Variants in ROBO2 observed in about 807,000 individuals in gnomAD.
ROBO2 encodes the protein roundabout guidance receptor 2.
In ROBO2, 53 loss-of-function variants were observed where a neutral mutation model predicts 160.8. The ratio of observed to expected loss-of-function variants is 0.33; its 90% CI spans 0.26 to 0.41. The LOEUF is 0.41. Ranked by LOEUF, ROBO2 falls within the 10% of genes least tolerant of loss-of-function variation. ROBO2 has a pLI of 1.00. For synonymous variants in ROBO2, 664 were observed against 611.7 expected, an observed-to-expected ratio of 1.09 and a Z score of -1.26; for missense variants, 1,577 against 1,722.4, an observed-to-expected ratio of 0.92 and a Z score of 1.49.
intron 24 of ROBO2, among the ~76,000 whole-genome samples, chr3:77,637,998 T>G (rs942963232): frequency 2.0e-5 from 3 of 152,212 alleles, no homozygotes; most frequent in Non-Finnish European, 4.4e-5. Context: ...ATGATACATT[T>G]TAGAAGTAGT....
Position 76,154,514 on chromosome 3 carries a change from A to G in ROBO2, c.109+216912A>G, listed in dbSNP as rs536648386. Among the ~76,000 whole-genome samples the G allele has an allele frequency of 3.3e-5, 5 of 152,242 alleles. No individual in the cohort carries two copies. The East Asian group carries it at 9.7e-4, about 29-fold the overall frequency. ...ATAAAATAAACAGAGATTTGAGAGA[A>G]GATTCTCATTGCCAATGACAAGATA... On this transcript the variant is annotated intron_variant, in intron 2 of 26. Coordinates refer to the ROBO2 transcript ENST00000487694.
intron 2 of ROBO2, among the ~76,000 whole-genome samples, chr3:76,314,354 C>G (rs961971937): frequency 6.6e-6 from 1 of 152,050 alleles, no homozygotes; most frequent in Non-Finnish European, 1.5e-5. Flanking sequence ...GTAAACAGCT[C>G]CATTCACATG....
chr3:76,120,169 T>C (rs1198009336), intron 2 of ROBO2, among the ~76,000 whole-genome samples: 1 of 151,886 alleles, frequency 6.6e-6, no homozygotes, highest in East Asian at 1.9e-4. Context: ...GACTGGATAA[T>C]TTTTGTATTT....
At chr3:76,321,770 A>G (rs2072546251) in intron 2 of ROBO2, among the ~76,000 whole-genome samples, 1 of 152,134 alleles carries the variant, frequency 6.6e-6, no homozygotes, top group African/African-American at 2.4e-5. Flanking sequence ...TATAGAACTG[A>G]AAATAAAAGG....
chr3:77,275,944 C>T (rs970231817), intron 2 of ROBO2, among the ~76,000 whole-genome samples: 1 of 152,182 alleles, frequency 6.6e-6, no homozygotes, highest in African/African-American at 2.4e-5. Context: ...AACTGGAACC[C>T]GCTTTTTCTC....
chr3:76,466,514 A>T (rs1242264463), intron 2 of ROBO2, among the ~76,000 whole-genome samples: 1 of 152,036 alleles, frequency 6.6e-6, no homozygotes, highest in Non-Finnish European at 1.5e-5. Flanking sequence ...AATGTTTTAA[A>T]GAGGAGAAAT....
At chr3:77,160,384 G>C (rs1285100888) in intron 2 of ROBO2, among the ~76,000 whole-genome samples, 2 of 151,946 alleles carry the variant, frequency 1.3e-5, no homozygotes, top group Non-Finnish European at 2.9e-5. Flanking sequence ...TCTTACACAT[G>C]GTGATGATGT....
intron 2 of ROBO2, among the ~76,000 whole-genome samples, chr3:76,276,819 T>A (rs1350720407): frequency 1.3e-5 from 2 of 152,038 alleles, no homozygotes; most frequent in African/African-American, 2.4e-5. Context: ...TTTACATTAG[T>A]ACTGTCCAAC....
chr3:76,331,512 C>T (rs1388948636), intron 2 of ROBO2, among the ~76,000 whole-genome samples: 1 of 151,912 alleles, frequency 6.6e-6, no homozygotes, highest in Admixed American at 6.6e-5. Context: ...GCTCTTATTT[C>T]CTTTATGCCT....
chr3:76,737,877 T>A (rs2093739342), intron 2 of ROBO2, among the ~76,000 whole-genome samples: 1 of 152,140 alleles, frequency 6.6e-6, no homozygotes, highest in Non-Finnish European at 1.5e-5. Context: ...CTGGGAACGG[T>A]GGCTCACACC....
chr3:76,884,270 T>C (rs866380868), intron 2 of ROBO2, among the ~76,000 whole-genome samples: 4 of 152,330 alleles, frequency 2.6e-5, no homozygotes, highest in Non-Finnish European at 5.9e-5. Context: ...TTGAGAAGAC[T>C]ATATAAATTG....
intron 2 of ROBO2, among the ~76,000 whole-genome samples, chr3:76,315,452 T>C (rs2071935924): frequency 6.6e-6 from 1 of 152,214 alleles, no homozygotes; most frequent in Non-Finnish European, 1.5e-5. Flanking sequence ...CATACTACGG[T>C]ATTGCAACAT....
chr3:77,127,284 A>C (rs2075429566), intron 2 of ROBO2, among the ~76,000 whole-genome samples: 1 of 151,934 alleles, frequency 6.6e-6, no homozygotes, highest in Non-Finnish European at 1.5e-5. Flanking sequence ...TATTCTGATC[A>C]CTTCTCATTT....
intron 2 of ROBO2, among the ~76,000 whole-genome samples, chr3:76,616,490 T>A (rs947564874): frequency 6.6e-6 from 1 of 152,184 alleles, no homozygotes; most frequent in African/African-American, 2.4e-5. Context: ...TGATGTGTTA[T>A]TAGCATTTTT....
chr3:77,033,536 G>C (rs982164686), intron 2 of ROBO2, among the ~76,000 whole-genome samples: 1 of 152,038 alleles, frequency 6.6e-6, no homozygotes, highest in East Asian at 1.9e-4. Flanking sequence ...AATAGGTTAA[G>C]TTACAACCTG....
At chr3:76,554,340 T>A (rs1461132662) in intron 2 of ROBO2, among the ~76,000 whole-genome samples, 1 of 152,178 alleles carries the variant, frequency 6.6e-6, no homozygotes, top group Non-Finnish European at 1.5e-5. Context: ...GGAGTAGATA[T>A]GAGGACATGA....
intron 2 of ROBO2, among the ~76,000 whole-genome samples, chr3:76,879,539 T>C (rs963767502): frequency 2.6e-5 from 4 of 152,030 alleles, no homozygotes; most frequent in Non-Finnish European, 4.4e-5. Flanking sequence ...AACATAACTA[T>C]AAAGTAAAAC....
chr3:76,697,168 T>C (rs1258844656), intron 2 of ROBO2, among the ~76,000 whole-genome samples: 2 of 152,180 alleles, frequency 1.3e-5, no homozygotes, highest in African/African-American at 4.8e-5. Flanking sequence ...TGTGTTCAAA[T>C]TCATAAGAGA....
At chr3:76,612,241 A>C (rs2109093032) in intron 2 of ROBO2, among the ~76,000 whole-genome samples, 1 of 152,158 alleles carries the variant, frequency 6.6e-6, no homozygotes, top group Admixed American at 6.5e-5. Flanking sequence ...GCTGTTGGAT[A>C]AAATGTTCTG....
Sources: allele counts gnomAD v4.1 joint callset (sites outside exome capture counted in the v4.1 genomes callset), GRCh38; gene constraint gnomAD v4.1.1; transcripts MANE v1.5; gene names NCBI Gene and HGNC (gene_info 2026-07-23, HGNC 2026-07-21).